The following BRD10 variants were observed in gnomAD, a reference collection of about 807,000 sequenced individuals.
The protein encoded by BRD10 is uncharacterized bromodomain-containing protein 10.
the BRD10 span, among the ~76,000 whole-genome samples, chr9:5,991,048 ATATG>A: frequency 6.6e-6 from 1 of 152,178 alleles, no homozygotes; most frequent in Non-Finnish European, 1.5e-5. Context: ...CGAATCAAGT[ATATG>A]TATATGTATT....
the BRD10 span, chr9:5,906,859 C>T: frequency 7.0e-7 from 1 of 1,432,446 alleles, no homozygotes; most frequent in Non-Finnish European, 9.4e-7. Context: ...TTCTCACCCA[C>T]TCACCTTTAT....
the BRD10 span, chr9:5,953,880 G>C: frequency 7.9e-6 from 5 of 634,326 alleles, no homozygotes; most frequent in Non-Finnish European, 1.1e-5. Context: ...CTTGCAGGGA[G>C]AAAAGTCACT....
the BRD10 span, among the ~76,000 whole-genome samples, chr9:5,993,334 A>AAAC: frequency 6.7e-6 from 1 of 148,828 alleles, no homozygotes; most frequent in Non-Finnish European, 1.5e-5. Flanking sequence ...AAAAAAAAAA[A>AAAC]AACAACTAAA....
At chr9:5,949,052 T>A in the BRD10 span, among the ~76,000 whole-genome samples, 1 of 152,176 alleles carries the variant, frequency 6.6e-6, no homozygotes, top group East Asian at 1.9e-4. Context: ...GAACTATATA[T>A]ATTTTTAAGG....
At chr9:6,006,767 G>A in the BRD10 span, among the ~76,000 whole-genome samples, 1 of 152,160 alleles carries the variant, frequency 6.6e-6, no homozygotes, top group Non-Finnish European at 1.5e-5. Flanking sequence ...AATGGTTTAA[G>A]ACACCTTTTT....
At chr9:5,919,203 T>G in the BRD10 span, 2 of 153,646 alleles carry the variant, frequency 1.3e-5, no homozygotes, top group Non-Finnish European at 2.9e-5. Context: ...ATGTACAATT[T>G]TACATCATGG....
the BRD10 span, among the ~76,000 whole-genome samples, chr9:5,931,085 G>A: frequency 1.3e-5 from 2 of 152,160 alleles, no homozygotes; most frequent in African/African-American, 4.8e-5. Context: ...GAATTAACTG[G>A]AAAACTGTTC....
At chr9:5,913,484 T>C in the BRD10 span, among the ~76,000 whole-genome samples, 1 of 152,228 alleles carries the variant, frequency 6.6e-6, no homozygotes, top group African/African-American at 2.4e-5. Context: ...CACTCATTTT[T>C]AGGAAAATCT....
At chr9:5,900,019 A>G in the BRD10 span, among the ~76,000 whole-genome samples, 1 of 152,238 alleles carries the variant, frequency 6.6e-6, no homozygotes, top group African/African-American at 2.4e-5. Flanking sequence ...TTCATTATAT[A>G]TTTGTATATC....
the BRD10 span, chr9:5,919,782 G>A: frequency 6.2e-7 from 1 of 1,613,830 alleles, no homozygotes. Context: ...ATCTGAGAGA[G>A]AGATGGAGAG....
the BRD10 span, among the ~76,000 whole-genome samples, chr9:5,970,527 T>A: frequency 1.3e-5 from 2 of 152,138 alleles, no homozygotes; most frequent in African/African-American, 4.8e-5. Context: ...GATTAGGCAA[T>A]GGTTTCTTAG....
At chr9:5,886,420 C>T in the BRD10 span, among the ~76,000 whole-genome samples, 16 of 152,224 alleles carry the variant, frequency 1.1e-4, no homozygotes, top group South Asian at 8.3e-4. Flanking sequence ...TTCTGTGCCA[C>T]GTGCTGTACC....
chr9:5,970,373 G>A, the BRD10 span, among the ~76,000 whole-genome samples: 2 of 152,146 alleles, frequency 1.3e-5, no homozygotes, highest in South Asian at 2.1e-4. Context: ...GGAGGTGACA[G>A]TGTTGCAAAA....
At chr9:5,896,453 G>A in the BRD10 span, among the ~76,000 whole-genome samples, 1 of 152,170 alleles carries the variant, frequency 6.6e-6, no homozygotes, top group African/African-American at 2.4e-5. Context: ...TTTGGAGACG[G>A]ACAGGATAAG....
At chr9:5,889,582 C>T in the BRD10 span, among the ~76,000 whole-genome samples, 15 of 152,018 alleles carry the variant, frequency 9.9e-5, no homozygotes, top group African/African-American at 2.9e-4. Context: ...GTCAGGAGAT[C>T]GAGACCATCC....
At chr9:5,897,734 CAG>C in the BRD10 span, 1 of 1,187,306 alleles carries the variant, frequency 8.4e-7, no homozygotes, top group African/African-American at 1.5e-5. Context: ...TCTGGAGAGT[CAG>C]ATAATTGCCT....
the BRD10 span, among the ~76,000 whole-genome samples, chr9:5,914,268 T>C: frequency 2.0e-5 from 3 of 152,132 alleles, no homozygotes; most frequent in Non-Finnish European, 2.9e-5. Context: ...CCTAAATATA[T>C]ACTGGAGGAC....
chr9:5,920,917 A>T, the BRD10 span: 1 of 1,614,020 alleles, frequency 6.2e-7, no homozygotes, highest in Non-Finnish European at 8.5e-7. Context: ...TTGACAAAAT[A>T]GGCATAATTC....
At chr9:5,965,333 C>T in the BRD10 span, among the ~76,000 whole-genome samples, 7 of 151,716 alleles carry the variant, frequency 4.6e-5, no homozygotes, top group Non-Finnish European at 7.4e-5. Context: ...AAAAACACTA[C>T]GTTAAACAAA....
Sources: allele counts gnomAD v4.1 joint callset (sites outside exome capture counted in the v4.1 genomes callset), GRCh38; gene constraint gnomAD v4.1.1; transcripts MANE v1.5; gene names NCBI Gene and HGNC (gene_info 2026-07-23, HGNC 2026-07-21).